PCDHA11: variants seen among roughly 807,000 people sequenced by gnomAD.
PCDHA11 encodes protocadherin alpha 11, also known as protocadherin alpha-11.
In PCDHA11, 61 loss-of-function variants were observed where a neutral mutation model predicts 70.3. The observed-to-expected ratio is 0.87, with a 90% CI of 0.71 to 1.07. The LOEUF (loss-of-function observed/expected upper bound fraction) is 1.07. PCDHA11 is among the 50% of genes least tolerant of loss of function. PCDHA11 has a pLI of 0.00. For synonymous variants in PCDHA11, 633 were observed against 555.1 expected, an observed-to-expected ratio of 1.14 and a Z score of -1.97; for missense variants, 1,324 against 1,237.5, an observed-to-expected ratio of 1.07 and a Z score of -1.05.
intron 1 of PCDHA11, among the ~76,000 whole-genome samples, chr5:140,893,926 C>G (rs1481035774): frequency 6.6e-6 from 1 of 152,180 alleles, no homozygotes; most frequent in Non-Finnish European, 1.5e-5. Context: ...TTTTCAGAAT[C>G]TCTACCTGTT....
Position 140,978,948 on chromosome 5 carries a change from G to A in PCDHA11, c.2392-1G>A, listed in dbSNP as rs1554239939. On this transcript the variant is annotated splice_acceptor_variant, in intron 1 of 3. Transcript: ENST00000398640. LOFTEE classifies it high-confidence loss of function. ...AGAAAACTCTCTTTGTGATTTTGCA[G>A]CCACGACAGCCCAACCCTGACTGGC... is the stretch of plus-strand genomic sequence containing the variant. 1 of 1,614,128 alleles carries A rather than the reference G, an allele frequency of 6.2e-7. No individual in the cohort carries two copies. The highest frequency in any genetic ancestry group is 8.5e-7 in the Non-Finnish European group (1 of 1,180,018).
chr5:140,889,679 C>A (rs968181758), intron 1 of PCDHA11, among the ~76,000 whole-genome samples: 4 of 152,026 alleles, frequency 2.6e-5, no homozygotes, highest in Admixed American at 6.6e-5. Flanking sequence ...TTATTTTAAA[C>A]CTTTTAGTAT....
chr5:140,884,514 C>G, intron 1 of PCDHA11: 21 of 1,614,176 alleles, frequency 1.3e-5, no homozygotes, highest in South Asian at 2.2e-5. Flanking sequence ...GGGAGTTGGT[C>G]GTACTCGCAG....
chr5:140,965,242 A>T (rs1373643411), intron 1 of PCDHA11, among the ~76,000 whole-genome samples: 2 of 152,196 alleles, frequency 1.3e-5, no homozygotes, highest in African/African-American at 4.8e-5. Context: ...GGGAAGAGTG[A>T]ATATTCAGAA....
chr5:140,913,756 A>G (rs1184722554), intron 1 of PCDHA11, among the ~76,000 whole-genome samples: 1 of 152,072 alleles, frequency 6.6e-6, no homozygotes, highest in African/African-American at 2.4e-5. Context: ...GTTGTATCTC[A>G]TAGGTTTTGG....
At chr5:140,910,095 C>T (rs1011405673) in intron 1 of PCDHA11, among the ~76,000 whole-genome samples, 1 of 152,188 alleles carries the variant, frequency 6.6e-6, no homozygotes, top group Non-Finnish European at 1.5e-5. Flanking sequence ...GAACCAGCCT[C>T]CCCTTCATTT....
intron 1 of PCDHA11, among the ~76,000 whole-genome samples, chr5:140,890,820 G>T (rs945332484): frequency 1.3e-5 from 2 of 152,080 alleles, no homozygotes; most frequent in East Asian, 3.9e-4. Flanking sequence ...TGTTTTAAAT[G>T]TACTTACATA....
At chr5:140,898,712 T>C (rs1219344656) in intron 1 of PCDHA11, among the ~76,000 whole-genome samples, 2 of 152,206 alleles carry the variant, frequency 1.3e-5, no homozygotes, top group African/African-American at 4.8e-5. Flanking sequence ...AGTAGTTTTT[T>C]CCAATTCTGT....
intron 1 of PCDHA11, among the ~76,000 whole-genome samples, chr5:140,923,018 T>G (rs1353684633): frequency 6.6e-6 from 1 of 152,224 alleles, no homozygotes; most frequent in African/African-American, 2.4e-5. Flanking sequence ...GACTGCAGTT[T>G]CGGACTCTAT....
chr5:140,902,615 G>C (rs2153477614), intron 1 of PCDHA11, among the ~76,000 whole-genome samples: 1 of 152,128 alleles, frequency 6.6e-6, no homozygotes, highest in Admixed American at 6.6e-5. Context: ...AGTTACATGG[G>C]TAAGTTATTT....
chr5:140,980,259 G>T (rs1200649581), intron 2 of PCDHA11, among the ~76,000 whole-genome samples: 1 of 152,192 alleles, frequency 6.6e-6, no homozygotes. Flanking sequence ...TAAAAGCATG[G>T]TTTACAGTAC....
At chr5:140,904,164 T>C (rs1475689291) in intron 1 of PCDHA11, among the ~76,000 whole-genome samples, 1 of 152,078 alleles carries the variant, frequency 6.6e-6, no homozygotes, top group Non-Finnish European at 1.5e-5. Flanking sequence ...CAGTTTGTAG[T>C]CTTTTATTCC....
intron 2 of PCDHA11, chr5:140,982,257 G>A: frequency 1.2e-6 from 1 of 804,182 alleles, no homozygotes; most frequent in Admixed American, 3.3e-5. Context: ...TAGAACATGT[G>A]TGTTCCTGGA....
In PCDHA11 at chr5:140,993,462, T is replaced by C. The variant is rs540334246; in HGVS notation, c.2539+10899T>C. ...CATTCCTGTTCTCCTTCTTTCTTTCTCACACACACACACACACACACACAC... is the reference window on the plus strand; with the variant it reads ...CATTCCTGTTCTCCTTCTTTCTTTCCCACACACACACACACACACACACAC... On this transcript the variant is annotated intron_variant, in intron 3 of 3. Transcript: ENST00000398640. Among the ~76,000 whole-genome samples the C allele has an allele frequency of 4.2e-3, 597 of 141,044 alleles. 4 individuals are homozygous for C. Among genetic ancestry groups the C allele is most frequent in the African/African-American group, 0.015 (577 of 37,966 alleles). 92.5% of individuals were successfully genotyped at this position (141,044 alleles called of 152,430 possible).
chr5:140,896,536 CT>C (rs34213614), intron 1 of PCDHA11, among the ~76,000 whole-genome samples: 112 of 145,476 alleles, frequency 7.7e-4, no homozygotes, highest in Admixed American at 9.6e-4. Flanking sequence ...AGCTATTTTT[CT>C]TTTTTTTTTT....
At chr5:140,952,794 G>T (rs2094798904) in intron 1 of PCDHA11, among the ~76,000 whole-genome samples, 1 of 152,140 alleles carries the variant, frequency 6.6e-6, no homozygotes, top group Admixed American at 6.5e-5. Context: ...GGTTTAACTG[G>T]CTCGCAGTTC....
At position 140,871,468 on chromosome 5, in the gene PCDHA11, G is replaced by C. The variant is rs781821721; in HGVS notation, c.2365G>C (p.Glu789Gln). Residue 789 changes from glutamate to glutamine, a missense_variant, in exon 1 of 4, where the codon GAG (glutamate) becomes CAG (glutamine). Physicochemically the swap from Glu to Gln is conservative, Grantham distance 29. Transcript: ENST00000398640. ...LNKEEEGERQ[E>Q]PGSNHPGQPR... The stretch of plus-strand genomic sequence containing the variant: ...TAAAGAGGAGGAAGGGGAAAGACAG[G>C]AGCCAGGGTCAAATCACCCCGGACA... The C allele has an allele frequency of 6.2e-7, 1 of 1,602,172 alleles. No homozygotes were observed. The highest frequency in any genetic ancestry group is 2.2e-5 in the East Asian group (1 of 44,522).
At chr5:140,973,328 C>T (rs1315251124) in intron 1 of PCDHA11, among the ~76,000 whole-genome samples, 1 of 152,114 alleles carries the variant, frequency 6.6e-6, no homozygotes, top group Non-Finnish European at 1.5e-5. Flanking sequence ...AGTTTACACT[C>T]GTTGTAAAGT....
At chr5:140,882,327 T>C in intron 1 of PCDHA11, 1 of 1,614,172 alleles carries the variant, frequency 6.2e-7, no homozygotes, top group Non-Finnish European at 8.5e-7. Flanking sequence ...TGGCTTCTGA[T>C]CCTCGCAGCC....
Sources: gnomAD v4.1 joint callset for allele counts (sites outside exome capture counted in the v4.1 genomes callset) on GRCh38, gnomAD v4.1.1 for gene constraint, MANE v1.5 for transcripts, NCBI Gene and HGNC (gene_info 2026-07-23, HGNC 2026-07-21) for gene names.